The following MATN3 variants were observed in gnomAD, a reference collection of about 807,000 sequenced individuals.
The protein encoded by MATN3 is matrilin 3.
In MATN3, 48 loss-of-function variants were observed where a neutral mutation model predicts 45.3. The observed-to-expected ratio is 1.06, with a 90% CI of 0.84 to 1.35. The LOEUF is 1.35. MATN3 is among the 40% of genes most tolerant of loss of function. The pLI is 0.00. For synonymous variants in MATN3, 217 were observed against 245.9 expected, an observed-to-expected ratio of 0.88 and a Z score of 1.10; for missense variants, 599 against 628.0, an observed-to-expected ratio of 0.95 and a Z score of 0.49.
chr2:20,000,928 T>C (rs1192405856), intron 4 of MATN3, among the ~76,000 whole-genome samples: 1 of 152,168 alleles, frequency 6.6e-6, no homozygotes, highest in African/African-American at 2.4e-5. Context: ...AAACATAGAA[T>C]TAGAGTTTGA....
chr2:19,997,291 T>C, intron 5 of MATN3, 32 bp from the exon 6 acceptor site: 1 of 1,565,618 alleles, frequency 6.4e-7, no homozygotes, highest in Non-Finnish European at 8.6e-7. Flanking sequence ...AAGAAAATAT[T>C]CACACATTAA....
intron 4 of MATN3, 44 bp downstream of exon 4, chr2:20,001,911 G>T (rs777420993): frequency 3.8e-6 from 6 of 1,589,028 alleles, no homozygotes; most frequent in African/African-American, 1.3e-5. Context: ...GGGTAGGTAG[G>T]CAGAGAGCTA....
intron 5 of MATN3, among the ~76,000 whole-genome samples, chr2:19,999,499 C>T (rs1477050613): frequency 5.9e-5 from 9 of 151,922 alleles, no homozygotes; most frequent in Non-Finnish European, 1.3e-4. Context: ...CATAAGGAGC[C>T]GGCTCTCTGT....
At chr2:19,996,885 A>T (rs1448572123) in intron 6 of MATN3, among the ~76,000 whole-genome samples, 1 of 152,226 alleles carries the variant, frequency 6.6e-6, no homozygotes, top group East Asian at 1.9e-4. Context: ...ACAATAAAAA[A>T]AATTCAGACT....
chr2:19,994,354 A>G lies in MATN3; in HGVS notation c.1350T>C (p.Ala450=). 1.9e-6 allele frequency: 3 copies of G among 1,613,744 alleles called. No individual in the cohort carries two copies. Among genetic ancestry groups the G allele is most frequent in the South Asian group, 1.1e-5 (1 of 90,998 alleles). The part of the protein sequence containing the change: ...VSTEDACGCE[A]TLAFQDKVSS... ...TGACCTTGTCCTGGAATGCCAGTGTAGCTTCACATCCACAAGCATCTTCAG... is the reference window on the plus strand; with the variant it reads ...TGACCTTGTCCTGGAATGCCAGTGTGGCTTCACATCCACAAGCATCTTCAG... The change falls in exon 7 of 8, where the codon GCT becomes GCC. Residue 450 remains alanine, a synonymous_variant. Transcript: ENST00000407540.
rs906288112 is a variant in MATN3 at position 19,995,995 on chromosome 2, A to G, written c.1294+1139T>C. On this transcript the variant is annotated intron_variant, in intron 6 of 7. Transcript: ENST00000407540. The surrounding 1 kb of genome is among the most constrained non-coding windows in gnomAD (Gnocchi z 4.2). ...ATTGAAGATCAACTACATGTCCATT[A>G]TCCCTGTACCCATAAGATGGGTATA... 1.8e-4 allele frequency among the ~76,000 whole-genome samples: 27 copies of G among 152,170 alleles called. No homozygotes were observed. Among genetic ancestry groups the G allele is most frequent in the Non-Finnish European group, 4.4e-5 (3 of 68,020 alleles).
intron 1 of MATN3, among the ~76,000 whole-genome samples, chr2:20,009,484 TG>T (rs1184747161): frequency 6.6e-6 from 1 of 151,156 alleles, no homozygotes; most frequent in East Asian, 2.0e-4. Context: ...TGTCAGGGGG[TG>T]GGGGGCAAGA....
chr2:20,008,901 T>C (rs1673164713), intron 1 of MATN3, among the ~76,000 whole-genome samples: 1 of 152,034 alleles, frequency 6.6e-6, no homozygotes, highest in Non-Finnish European at 1.5e-5. Context: ...CGCCCTGAAA[T>C]ATGCTGTATG....
At chr2:20,009,239 A>C (rs1673170182) in intron 1 of MATN3, among the ~76,000 whole-genome samples, 1 of 150,594 alleles carries the variant, frequency 6.6e-6, no homozygotes, top group Admixed American at 6.6e-5. Flanking sequence ...AGCCAAAAAA[A>C]AAAAAAAGGA....
chr2:19,994,733 G>T (rs1202023787), intron 6 of MATN3, among the ~76,000 whole-genome samples: 3 of 152,140 alleles, frequency 2.0e-5, no homozygotes, highest in Non-Finnish European at 2.9e-5. Flanking sequence ...AAACATGGTT[G>T]GTATAGGGGG....
At position 20,005,930 on chromosome 2, in the gene MATN3, G is replaced by T; in HGVS notation, c.604C>A (p.Gln202Lys). 1.9e-6 allele frequency: 3 copies of T among 1,613,712 alleles called. No homozygotes were observed. The highest frequency in any genetic ancestry group is 2.5e-6 in the Non-Finnish European group (3 of 1,179,754). Residue 202 changes from glutamine (Q) to lysine (K), a missense_variant, in exon 2 of 8, where the codon CAG (glutamine) becomes AAG (lysine). Transcript: ENST00000407540. The part of the protein sequence containing the change: ...IIVTDGRPQD[Q>K]VNEVAARAQA... ...GCCCGAGCCGCCACCTCATTCACCT[G>T]GTCCTGGGGCCTCCCATCTGTAACA...
rs187943382 is a variant in MATN3, at chr2:20,005,875, A to G, written c.659T>C (p.Val220Ala). 83 of 1,609,592 alleles carry G rather than the reference A, an allele frequency of 5.2e-5. 1 individual carries two copies. In the East Asian group the frequency reaches 1.9e-3, roughly 36 times the overall value. Residue 220 changes from valine to alanine, a missense_variant, in exon 2 of 8, where the codon GTG becomes GCG. By Grantham distance (64) the Val-to-Ala change is moderately conservative. Coordinates refer to ENST00000407540, the MANE Select transcript of MATN3 (RefSeq NM_002381.5). ...AQASGIELYA[V>A]GVDRADMASL... ...CGCCATGTCTGCCCGGTCCACGCCCACAGCATAGAGCTCAATACCAGATGC... is the reference window on the plus strand; with the variant it reads ...CGCCATGTCTGCCCGGTCCACGCCCGCAGCATAGAGCTCAATACCAGATGC...
intron 1 of MATN3, among the ~76,000 whole-genome samples, chr2:20,010,066 C>CAAAAAAAAAAAAAAAAA (rs1558376342): frequency 1.3e-3 from 7 of 5,552 alleles, no homozygotes; most frequent in Admixed American, 2.8e-3. Flanking sequence ...TCTTCAAATA[C>CAAAAAAAAAAAAAAAAA]TAAAAAAAAA....
At position 19,997,223 on chromosome 2, in the gene MATN3, T is replaced by A. The variant is rs769539679; in HGVS notation, c.1205A>T (p.Gln402Leu). The A allele has an allele frequency of 3.1e-6, 5 of 1,613,740 alleles. No individual in the cohort carries two copies. The highest frequency in any genetic ancestry group is 4.2e-6 in the Non-Finnish European group (5 of 1,179,752). The change falls in exon 6 of 8, where the codon CAG (glutamine) becomes CTG (leucine). Residue 402 changes from glutamine (Q) to leucine (L), a missense_variant. By Grantham distance (113) the Gln-to-Leu change is moderately radical (BLOSUM62 -2). Coordinates refer to ENST00000407540, the MANE Select transcript of MATN3 (RefSeq NM_002381.5). ...DKCALGSHGC[Q>L]HICVSDGAAS... ...GGCCCCATCACTCACACAAATGTGC[T>A]GGCAACCATGAGAGCCTAGGGCACA...
chr2:20,010,066 CTAAAAAAAAAAAA>C (rs1213363215), intron 1 of MATN3, among the ~76,000 whole-genome samples: 2 of 5,564 alleles, frequency 3.6e-4, no homozygotes, highest in Admixed American at 2.8e-3. Flanking sequence ...TCTTCAAATA[CTAAAAAAAAAAAA>C]AAAAAAAAAA....
chr2:19,997,522 A>G, intron 5 of MATN3: 1 of 318,066 alleles, frequency 3.1e-6, no homozygotes, highest in Non-Finnish European at 5.8e-6. Context: ...TTTTCTACCC[A>G]CAGCACTGGG....
chr2:19,998,723 T>C (rs1285241172), intron 5 of MATN3, among the ~76,000 whole-genome samples: 1 of 151,056 alleles, frequency 6.6e-6, no homozygotes, highest in African/African-American at 2.4e-5. Flanking sequence ...ACCACCGCAC[T>C]CCAGCCTGGG....
chr2:19,993,108 A>G lies in MATN3; in HGVS notation c.*3T>C. ...ACATTTTCAGGTGAGAAATTGGAGCAATTTAACGATGTATTTGTCCATATT... is the reference window on the plus strand; with the variant it reads ...ACATTTTCAGGTGAGAAATTGGAGCGATTTAACGATGTATTTGTCCATATT... On this transcript the variant is annotated 3_prime_UTR_variant, in exon 8 of 8. Transcript: ENST00000407540. 1.2e-6 allele frequency: 2 copies of G among 1,611,744 alleles called. No individual in the cohort carries two copies. Among genetic ancestry groups the G allele is most frequent in the African/African-American group, 1.3e-5 (1 of 75,008 alleles).
In MATN3 at chr2:19,997,177, G is replaced by T. The variant is rs746483805; in HGVS notation, c.1251C>A (p.Cys417Ter). The change falls in exon 6 of 8, where the codon TGC becomes TGA. Residue 417 changes from cysteine (C) to a stop codon, truncating the protein, a stop_gained. Coordinates refer to ENST00000407540, the MANE Select transcript of MATN3 (RefSeq NM_002381.5). LOFTEE classifies it high-confidence loss of function. ...CCTCATTTAAGGTGTAGCCAGGATA[G>T]CAATCACAGTGGTAGGATGCGGCCC... Reference protein sequence around the residue: ...SDGAASYHCDCYPGYTLNEDK... With the variant: ...SDGAASYHCD The T allele has an allele frequency of 6.2e-7, 1 of 1,613,886 alleles. No individual in the cohort carries two copies. The highest frequency in any genetic ancestry group is 8.5e-7 in the Non-Finnish European group (1 of 1,179,784).
Sources: gnomAD v4.1 joint callset for allele counts (sites outside exome capture counted in the v4.1 genomes callset) on GRCh38, gnomAD v4.1.1 for gene constraint, Gnocchi (gnomAD v3.1) non-coding constraint, MANE v1.5 for transcripts, NCBI Gene and HGNC (gene_info 2026-07-23, HGNC 2026-07-21) for gene names.